The following KRABD3 variants were observed in gnomAD, a reference collection of about 807,000 sequenced individuals.
KRABD3 encodes the protein KRAB domain-containing protein 3.
At chr7:149,720,100 G>T in the KRABD3 span, 2 of 1,553,128 alleles carry the variant, frequency 1.3e-6, no homozygotes, top group South Asian at 2.4e-5. Flanking sequence ...TGAGGGGCAG[G>T]AGCCTGCTGG....
At chr7:149,733,783 T>C in the KRABD3 span, 1 of 1,599,952 alleles carries the variant, frequency 6.3e-7, no homozygotes, top group Non-Finnish European at 8.5e-7. Context: ...GCTGCCATGC[T>C]GCGCCGCCTG....
chr7:149,719,811 T>C, the KRABD3 span: 1 of 1,245,958 alleles, frequency 8.0e-7, no homozygotes, highest in Non-Finnish European at 1.1e-6. This position sits in a 1 kb window ranked among gnomAD's most constrained non-coding sequence, Gnocchi z 5.6. Flanking sequence ...TGCTATTCTA[T>C]GTCCCGGGAC....
At chr7:149,725,278 G>A in the KRABD3 span, 1 of 1,529,680 alleles carries the variant, frequency 6.5e-7, no homozygotes, top group Non-Finnish European at 8.8e-7. Context: ...GCTGGAATGT[G>A]TGGGAGATGG....
At chr7:149,719,353 G>A in the KRABD3 span, 1 of 534,302 alleles carries the variant, frequency 1.9e-6, no homozygotes, top group African/African-American at 2.0e-5. The surrounding 1 kb of genome is among the most constrained non-coding windows in gnomAD (Gnocchi z 5.6). Flanking sequence ...TGAGGGTTAG[G>A]ACTTCAGCGT....
At chr7:149,728,595 G>A in the KRABD3 span, 207 of 1,613,756 alleles carry the variant, frequency 1.3e-4, no homozygotes, top group Middle Eastern at 1.6e-4. Context: ...CCTGTGCTGC[G>A]GCCTGCCTGG....
the KRABD3 span, chr7:149,731,671 G>C: frequency 6.2e-6 from 10 of 1,607,474 alleles, no homozygotes; most frequent in Non-Finnish European, 7.6e-6. Flanking sequence ...TCTTTCTATA[G>C]GTACAGCTCA....
chr7:149,726,437 ATTT>A, the KRABD3 span, among the ~76,000 whole-genome samples: 2 of 139,612 alleles, frequency 1.4e-5, no homozygotes, highest in Non-Finnish European at 1.6e-5. Flanking sequence ...TCTATACAGA[ATTT>A]TTTTTTTTTT....
the KRABD3 span, chr7:149,719,691 A>G: frequency 2.5e-6 from 4 of 1,594,204 alleles, no homozygotes; most frequent in South Asian, 2.2e-5. The surrounding 1 kb of genome is among the most constrained non-coding windows in gnomAD (Gnocchi z 5.6). Flanking sequence ...GGGAGGGAGC[A>G]GCACGTGTGG....
the KRABD3 span, among the ~76,000 whole-genome samples, chr7:149,725,646 T>C: frequency 3.3e-5 from 5 of 152,348 alleles, no homozygotes; most frequent in East Asian, 3.9e-4. Flanking sequence ...GCCGCCCGCA[T>C]GTGCTGAAAG....
the KRABD3 span, chr7:149,730,674 G>A: frequency 5.1e-6 from 7 of 1,383,046 alleles, no homozygotes; most frequent in Non-Finnish European, 6.8e-6. Flanking sequence ...GCTCTTGCCA[G>A]GGAGTCCTGC....
the KRABD3 span, chr7:149,731,810 G>C: frequency 9.2e-6 from 14 of 1,517,200 alleles, no homozygotes; most frequent in Non-Finnish European, 3.6e-6. Flanking sequence ...CCCTCTGCAC[G>C]GGCCAGGACC....
At chr7:149,734,146 C>T in the KRABD3 span, 22 of 1,423,934 alleles carry the variant, frequency 1.5e-5, no homozygotes, top group East Asian at 7.4e-5. Context: ...TCCCAGAGGA[C>T]GCCATCTCCC....
the KRABD3 span, chr7:149,722,475 G>A: frequency 5.6e-6 from 9 of 1,606,308 alleles, no homozygotes; most frequent in Middle Eastern, 1.8e-4. Flanking sequence ...AGCCCTGGGC[G>A]GGGAGCCCAG....
chr7:149,722,806 T>C, the KRABD3 span: 2 of 1,609,086 alleles, frequency 1.2e-6, no homozygotes, highest in Non-Finnish European at 1.7e-6. Context: ...GAACAGCCCC[T>C]TGCAAGGCCT....
chr7:149,733,260 C>G, the KRABD3 span: 6 of 1,612,032 alleles, frequency 3.7e-6, no homozygotes, highest in African/African-American at 8.0e-5. Flanking sequence ...CCCAGTGAGT[C>G]TCCCCCTCCG....
At chr7:149,722,604 T>C in the KRABD3 span, 1 of 1,573,330 alleles carries the variant, frequency 6.4e-7, no homozygotes, top group African/African-American at 1.4e-5. Flanking sequence ...GTGTGTTTAG[T>C]TCACACGAGG....
At chr7:149,729,201 G>C in the KRABD3 span, 3 of 1,556,724 alleles carry the variant, frequency 1.9e-6, no homozygotes, top group Admixed American at 2.0e-5. Context: ...TGAGGGCTGA[G>C]GCCTGCGAGT....
the KRABD3 span, among the ~76,000 whole-genome samples, chr7:149,717,515 G>A: frequency 6.6e-6 from 1 of 152,248 alleles, no homozygotes; most frequent in South Asian, 2.1e-4. Flanking sequence ...TTTGGAGGGT[G>A]TCTGAGACTG....
chr7:149,729,767 C>T, the KRABD3 span: 3 of 985,346 alleles, frequency 3.0e-6, no homozygotes, highest in Non-Finnish European at 3.6e-6. Flanking sequence ...CGAGGATGGG[C>T]CCTAACTGAG....
Sources: gnomAD v4.1 joint callset for allele counts (sites outside exome capture counted in the v4.1 genomes callset) on GRCh38, gnomAD v4.1.1 for gene constraint, Gnocchi (gnomAD v3.1) non-coding constraint, MANE v1.5 for transcripts, NCBI Gene and HGNC (gene_info 2026-07-23, HGNC 2026-07-21) for gene names.